The following PCDH15 variants were observed in gnomAD, a reference collection of about 807,000 sequenced individuals.
PCDH15 encodes the protein protocadherin-15.
A neutral mutation model predicts 178.5 loss-of-function variants in PCDH15; 129 were observed. The observed-to-expected ratio is 0.72, with a 90% CI of 0.63 to 0.84. PCDH15 has a LOEUF of 0.84. PCDH15 is among the 40% of genes least tolerant of loss of function. The pLI is 0.00. For synonymous variants in PCDH15, 800 were observed against 732.0 expected (o/e 1.09, Z -1.50); for missense variants, 2,230 against 2,099.9 (o/e 1.06, Z -1.21).
intron 28 of PCDH15, among the ~76,000 whole-genome samples, chr10:53,847,754 T>A (rs12778839): frequency 0.051 from 7,805 of 152,132 alleles, 253 homozygotes; most frequent in East Asian, 0.09. Context: ...CTTTGCAGCA[T>A]CTCTGTAATT....
chr10:54,408,560 G>A (rs554721414), intron 3 of PCDH15, among the ~76,000 whole-genome samples: 25 of 152,110 alleles, frequency 1.6e-4, no homozygotes, highest in South Asian at 4.1e-4. Context: ...GACAGCATGT[G>A]ACAAGTGTAG....
chr10:55,156,427 G>A (rs1488895087), intron 2 of PCDH15, among the ~76,000 whole-genome samples: 2 of 152,050 alleles, frequency 1.3e-5, no homozygotes, highest in East Asian at 1.9e-4. Flanking sequence ...TAGGTTGAAT[G>A]GTAAGTAGTT....
chr10:54,641,651 T>C (rs4935117), intron 2 of PCDH15, among the ~76,000 whole-genome samples: 20,926 of 152,022 alleles, frequency 0.14, 1,491 homozygotes, highest in Middle Eastern at 0.17. Context: ...TTTATCTATT[T>C]TTCAATCTCT....
In PCDH15 at chr10:53,809,388, TCTAA is replaced by T. The variant is rs483353074; in HGVS notation, c.4671+1164_4671+1167del. On this transcript the variant is annotated intron_variant, in intron 37 of 37. Transcript: ENST00000644397. Reference sequence around the variant, plus strand: ...CGATTCCTCTTTTATCAGCTAATCCTCTAACTTTCTTAAAAATCATGGGGAATAT... The same window carrying T: ...CGATTCCTCTTTTATCAGCTAATCCTCTTTCTTAAAAATCATGGGGAATAT... 6.3e-5 allele frequency: 102 copies of T among 1,614,020 alleles called. No homozygotes were observed. The highest frequency in any genetic ancestry group is 8.2e-5 in the Non-Finnish European group (97 of 1,179,892).
chr10:53,950,046 G>A (rs996159913), intron 23 of PCDH15, among the ~76,000 whole-genome samples: 16 of 151,896 alleles, frequency 1.1e-4, no homozygotes, highest in East Asian at 3.9e-4. Context: ...AAACTAATTC[G>A]TATGAATCAA....
chr10:54,198,492 A>ATTTTTTTTTTTT (rs1423646160), intron 10 of PCDH15, among the ~76,000 whole-genome samples: 2 of 40,854 alleles, frequency 4.9e-5, no homozygotes, highest in Admixed American at 3.4e-4. Flanking sequence ...ATATCTAATT[A>ATTTTTTTTTTTT]TTCTTTTTTT....
chr10:54,819,549 GT>G (rs776079786), intron 3 of PCDH15, among the ~76,000 whole-genome samples: 17 of 151,830 alleles, frequency 1.1e-4, no homozygotes, highest in African/African-American at 1.7e-4. Context: ...ATTATCAAGG[GT>G]TAATGTCAAT....
chr10:55,582,628 A>ATATATATATATATAT (rs780312007), intron 2 of PCDH15, among the ~76,000 whole-genome samples: 3 of 69,032 alleles, frequency 4.3e-5, no homozygotes, highest in African/African-American at 2.0e-4. Context: ...ATATATATAT[A>ATATATATATATATAT]TTTTTTTTTT....
chr10:54,709,646 T>A lies in PCDH15; in HGVS notation c.-28-45356A>T, dbSNP rs1468773896. On this transcript the variant is annotated intron_variant, in intron 1 of 37. Coordinates refer to ENST00000644397, the MANE Select transcript of PCDH15 (RefSeq NM_001384140.1). Reference sequence around the variant, plus strand: ...TATATATAAAATCACTTTAAAACAATTCTAATACATATTAATGTATAGTTA... The same window carrying A: ...TATATATAAAATCACTTTAAAACAAATCTAATACATATTAATGTATAGTTA... Among the ~76,000 whole-genome samples, 9 of 139,290 alleles carry A rather than the reference T, an allele frequency of 6.5e-5. No homozygotes were observed. In the East Asian group the frequency reaches 1.8e-3, roughly 28 times the overall value. The allele number at this position is 139,290 out of a possible 152,430, so 91.4% of individuals were successfully genotyped here. A position where few individuals can be genotyped will look rare whatever the true frequency, so the allele number is the denominator to read the frequency against.
chr10:55,463,341 T>A (rs1377238822), intron 2 of PCDH15, among the ~76,000 whole-genome samples: 2 of 152,096 alleles, frequency 1.3e-5, no homozygotes, highest in Admixed American at 6.6e-5. Flanking sequence ...TATTCTAGCC[T>A]ATGAGGCATA....
chr10:55,347,637 G>A (rs1351752571), intron 2 of PCDH15, among the ~76,000 whole-genome samples: 1 of 152,002 alleles, frequency 6.6e-6, no homozygotes, highest in Admixed American at 6.6e-5. Flanking sequence ...ATGCTCCCAG[G>A]GTTGCATTGT....
chr10:54,185,384 A>G lies in PCDH15; in HGVS notation c.1306-116T>C, dbSNP rs530938105. 2.4e-3 allele frequency: 2,790 copies of G among 1,140,136 alleles called. 9 individuals carry two copies. The highest frequency in any genetic ancestry group is 3.3e-3 in the Non-Finnish European group (2,589 of 773,810). 70.6% of individuals were successfully genotyped at this position (1,140,136 alleles called of 1,614,324 possible). A position where few individuals can be genotyped will look rare whatever the true frequency, so the allele number is the denominator to read the frequency against. On this transcript the variant is annotated intron_variant, in intron 11 of 37. Coordinates refer to ENST00000644397, the MANE Select transcript of PCDH15 (RefSeq NM_001384140.1). ...AAAAATCCACGTGAAAGTATTAAGA[A>G]TTTCTAACGATAAAAGATATTTAAC...
intron 26 of PCDH15, among the ~76,000 whole-genome samples, chr10:53,897,059 C>A (rs2081999956): frequency 2.0e-5 from 3 of 152,266 alleles, no homozygotes; most frequent in African/African-American, 7.2e-5. Context: ...TCCACAAAAC[C>A]AGGCCCTGGT....
intron 1 of PCDH15, among the ~76,000 whole-genome samples, chr10:54,683,564 CAT>C (rs1487700521): frequency 6.6e-6 from 1 of 152,150 alleles, no homozygotes; most frequent in East Asian, 1.9e-4. Flanking sequence ...ACCTTAAATA[CAT>C]GTTTTATTTT....
intron 2 of PCDH15, among the ~76,000 whole-genome samples, chr10:54,541,173 G>A (rs964572179): frequency 2.0e-5 from 3 of 151,966 alleles, no homozygotes; most frequent in Non-Finnish European, 2.9e-5. Flanking sequence ...ACAGCATTCA[G>A]GCAAGAGAAA....
At chr10:53,940,682 C>A (rs2134071214) in intron 24 of PCDH15, among the ~76,000 whole-genome samples, 184 bp downstream of exon 24, 1 of 152,250 alleles carries the variant, frequency 6.6e-6, no homozygotes, top group Admixed American at 6.5e-5. Flanking sequence ...GGGAAAAAAT[C>A]ACTTTAGCTA....
chr10:54,674,230 C>T (rs984629096), intron 1 of PCDH15, among the ~76,000 whole-genome samples: 2 of 152,096 alleles, frequency 1.3e-5, no homozygotes, highest in Admixed American at 1.3e-4. Context: ...AAAATTCTCT[C>T]AAGAACTAAG....
At chr10:54,851,128 T>C (rs985550453) in intron 3 of PCDH15, among the ~76,000 whole-genome samples, 1 of 152,046 alleles carries the variant, frequency 6.6e-6, no homozygotes, top group Non-Finnish European at 1.5e-5. Context: ...ACCATAAATA[T>C]GGAAAAAGGA....
chr10:55,420,780 G>C (rs7895623), intron 2 of PCDH15, among the ~76,000 whole-genome samples: 71,190 of 151,220 alleles, frequency 0.47, 17,599 homozygotes, highest in Middle Eastern at 0.53. Flanking sequence ...CACCAAATTC[G>C]ACCTAATGAT....
Sources: gnomAD v4.1 joint callset for allele counts (sites outside exome capture counted in the v4.1 genomes callset) on GRCh38, gnomAD v4.1.1 for gene constraint, MANE v1.5 for transcripts, NCBI Gene and HGNC (gene_info 2026-07-23, HGNC 2026-07-21) for gene names.